MCPH1: variants seen among roughly 807,000 people sequenced by gnomAD.
MCPH1 encodes microcephalin.
MCPH1 carries 104 observed loss-of-function variants against 84.5 expected under a neutral mutation model. That is an observed-to-expected ratio of 1.23 (90% CI 1.05 to 1.45). MCPH1 has a LOEUF of 1.45. MCPH1 is among the 40% of genes most tolerant of loss of function. The pLI is 0.00. For synonymous variants in MCPH1, 514 were observed against 366.8 expected (o/e 1.40, Z -4.58); for missense variants, 1,498 against 1,005.7 (o/e 1.49, Z -6.62).
chr8:6,442,245 A>G (rs1165763341), intron 7 of MCPH1, 89 bp downstream of exon 7: 3 of 788,090 alleles, frequency 3.8e-6, no homozygotes, highest in Non-Finnish European at 6.5e-6. Flanking sequence ...GCAACTTCTG[A>G]TGAGTAAAAT....
chr8:6,587,563 A>G (rs910487507), intron 12 of MCPH1, among the ~76,000 whole-genome samples: 17 of 152,198 alleles, frequency 1.1e-4, no homozygotes, highest in Non-Finnish European at 2.2e-4. Flanking sequence ...TATGAATCTG[A>G]CTATGATTTT....
intron 3 of MCPH1, among the ~76,000 whole-genome samples, chr8:6,429,148 T>C (rs1339317388): frequency 6.6e-6 from 1 of 152,240 alleles, no homozygotes; most frequent in Non-Finnish European, 1.5e-5. Context: ...GTTTACATCA[T>C]TATGAATGTG....
chr8:6,599,577 A>T (rs1444884515), intron 12 of MCPH1, among the ~76,000 whole-genome samples: 1 of 152,232 alleles, frequency 6.6e-6, no homozygotes, highest in Non-Finnish European at 1.5e-5. Context: ...TGTAAAGGAA[A>T]CACAACTTGT....
rs142955330 is a variant in MCPH1 at position 6,587,324 on chromosome 8, C to T, written c.2215-34130C>T. Among the ~76,000 whole-genome samples, 644 of 152,304 alleles carry T rather than the reference C, an allele frequency of 4.2e-3. 10 individuals are homozygous for T. Among genetic ancestry groups the T allele is most frequent in the African/African-American group, 0.014 (593 of 41,562 alleles). On this transcript the variant is annotated intron_variant, in intron 12 of 13. Coordinates refer to ENST00000344683, the MANE Select transcript of MCPH1 (RefSeq NM_024596.5). ...TCAGACATTTCTATCCCAAGATCTA[C>T]TCCTGGCTTAGAATCTGTTTTGTTT...
At chr8:6,472,731 G>A (rs886579780) in intron 9 of MCPH1, among the ~76,000 whole-genome samples, 1 of 152,172 alleles carries the variant, frequency 6.6e-6, no homozygotes, top group African/African-American at 2.4e-5. Context: ...GCTTCCCAAA[G>A]TGCTGGAATT....
rs774442894 is a variant in MCPH1 at position 6,444,836 on chromosome 8, A to G, written c.1114A>G (p.Lys372Glu). 6.2e-7 allele frequency: 1 copy of G among 1,614,184 alleles called. No homozygotes were observed. The highest frequency in any genetic ancestry group is 1.1e-5 in the South Asian group (1 of 91,074). Reference sequence around the variant, plus strand: ...CCATTCACCTCCGAAGGAAAAATGCAAGAGAAAGAGGAGCACCAGGAGATC... The same window carrying G: ...CCATTCACCTCCGAAGGAAAAATGCGAGAGAAAGAGGAGCACCAGGAGATC... Reference protein sequence around the residue: ...GSHSPPKEKCKRKRSTRRSIM... With the variant: ...GSHSPPKEKCERKRSTRRSIM... The change falls in exon 8 of 14, where the codon AAG becomes GAG. Residue 372 changes from lysine to glutamate, a missense_variant. By Grantham distance (56) the Lys-to-Glu change is moderately conservative (BLOSUM62 1). Transcript: ENST00000344683.
chr8:6,626,471 TTTG>T (rs1258223238), intron 13 of MCPH1: 17 of 963,624 alleles, frequency 1.8e-5, no homozygotes, highest in Admixed American at 7.4e-5. Context: ...GTTTTTTTGT[TTTG>T]TTTTTTTTTT....
Position 6,527,688 on chromosome 8 carries a change from A to C in MCPH1, c.2214+27759A>C, listed in dbSNP as rs201316725. 84 of 1,594,360 alleles carry C rather than the reference A, an allele frequency of 5.3e-5. No homozygotes were observed. Among genetic ancestry groups the C allele is most frequent in the Non-Finnish European group, 1.2e-5 (14 of 1,172,786 alleles). On this transcript the variant is annotated intron_variant, in intron 12 of 13. Transcript: ENST00000344683. ...GTCTGATTTAATACCTAAATGTAAC[A>C]AAATGAAGTTCCTATTAATTATTTT...
At chr8:6,625,160 C>A in intron 13 of MCPH1, 1 of 984,466 alleles carries the variant, frequency 1.0e-6, no homozygotes, top group Non-Finnish European at 1.2e-6. Context: ...CAGGCGTGAG[C>A]CACCGTGCCT....
chr8:6,503,741 A>G (rs994913390), intron 12 of MCPH1, among the ~76,000 whole-genome samples: 1 of 152,184 alleles, frequency 6.6e-6, no homozygotes, highest in African/African-American at 2.4e-5. Flanking sequence ...GAGCTACATA[A>G]AAAGGAAGTC....
chr8:6,615,791 A>C lies in MCPH1; in HGVS notation c.2215-5663A>C, dbSNP rs1830727639. 2.6e-5 allele frequency: 4 copies of C among 152,336 alleles called. No individual in the cohort carries two copies. In the South Asian group the frequency reaches 8.3e-4, roughly 32 times the overall value. 9.4% of individuals were successfully genotyped at this position (152,336 alleles called of 1,614,324 possible). On this transcript the variant is annotated intron_variant, in intron 12 of 13. Coordinates refer to ENST00000344683, the MANE Select transcript of MCPH1 (RefSeq NM_024596.5). ...ACGGCATATTTGGGGGACAGAGAAC[A>C]GGCTTGATGAGGACAGAGTCTATTT...
rs933956948 is a variant in MCPH1 at position 6,495,945 on chromosome 8, A to G, written c.2137-3907A>G. The stretch of plus-strand genomic sequence containing the variant: ...TGATATTTTATACCAGCAGTCTCCA[A>G]CCTTTTTGGCACCAAGGACCAGTTT... On this transcript the variant is annotated intron_variant, in intron 11 of 13. Coordinates refer to ENST00000344683, the MANE Select transcript of MCPH1 (RefSeq NM_024596.5). Among the ~76,000 whole-genome samples the G allele has an allele frequency of 2.0e-5, 3 of 152,176 alleles. 1 individual carries two copies. The highest frequency in any genetic ancestry group is 4.1e-4 in the South Asian group (2 of 4,834).
At chr8:6,446,780 A>T in intron 8 of MCPH1, 1 of 984,864 alleles carries the variant, frequency 1.0e-6, no homozygotes, top group South Asian at 4.7e-5. Flanking sequence ...TTAAGTAGGA[A>T]AAAGCTGGTA....
Position 6,505,333 on chromosome 8 carries a change from A to ATAT in MCPH1, c.2214+5404_2214+5405insTAT, listed in dbSNP as rs1563306184. On this transcript the variant is annotated intron_variant, in intron 12 of 13. Transcript: ENST00000344683. ...TAACATATATATGTTATATACATATAGAAAGAATATATATATTCTTTCTAT... is the reference window on the plus strand; with the variant it reads ...TAACATATATATGTTATATACATATATATGAAAGAATATATATATTCTTTCTAT... Among the ~76,000 whole-genome samples, 126 of 54,946 alleles carry ATAT rather than the reference A, an allele frequency of 2.3e-3. 4 individuals carry two copies. Among genetic ancestry groups the ATAT allele is most frequent in the Admixed American group, 8.6e-3 (45 of 5,230 alleles). 36.0% of individuals were successfully genotyped at this position (54,946 alleles called of 152,430 possible). A position where few individuals can be genotyped will look rare whatever the true frequency, so the allele number is the denominator to read the frequency against.
intron 12 of MCPH1, among the ~76,000 whole-genome samples, chr8:6,555,991 A>G (rs1173997923): frequency 6.6e-6 from 1 of 152,062 alleles, no homozygotes; most frequent in African/African-American, 2.4e-5. Context: ...CAGCAATCGG[A>G]ATCTGTCAAG....
At chr8:6,614,060 C>G (rs143085416) in intron 12 of MCPH1, among the ~76,000 whole-genome samples, 1 of 152,286 alleles carries the variant, frequency 6.6e-6, no homozygotes, top group Non-Finnish European at 1.5e-5. Flanking sequence ...TTAATGCCGA[C>G]TTTGATGGGC....
At chr8:6,446,976 T>G in intron 8 of MCPH1, 2 of 984,704 alleles carry the variant, frequency 2.0e-6, no homozygotes, top group Non-Finnish European at 2.4e-6. Context: ...ACGGAGAGGT[T>G]TTTTCGCTCA....
intron 12 of MCPH1, among the ~76,000 whole-genome samples, chr8:6,549,761 C>T (rs1194162136): frequency 1.3e-5 from 2 of 151,868 alleles, no homozygotes. Flanking sequence ...ACGTGCAGGG[C>T]AGCAAGTCCT....
chr8:6,598,375 C>T (rs1303512658), intron 12 of MCPH1, among the ~76,000 whole-genome samples: 2 of 152,112 alleles, frequency 1.3e-5, no homozygotes, highest in Non-Finnish European at 2.9e-5. Flanking sequence ...AAAGCAGAAG[C>T]CCCGAACCCA....
Sources: gnomAD v4.1 joint callset for allele counts (sites outside exome capture counted in the v4.1 genomes callset) on GRCh38, gnomAD v4.1.1 for gene constraint, MANE v1.5 for transcripts, NCBI Gene and HGNC (gene_info 2026-07-23, HGNC 2026-07-21) for gene names.